Variants in AP4E1 observed in about 807,000 individuals in gnomAD.
The protein encoded by AP4E1 is AP-4 complex subunit epsilon-1.
In AP4E1, 56 loss-of-function variants were observed where a neutral mutation model predicts 128.2. That is an observed-to-expected ratio of 0.44 (90% CI 0.35 to 0.55). The LOEUF (loss-of-function observed/expected upper bound fraction) is 0.55. Ranked by LOEUF, AP4E1 falls within the 20% of genes least tolerant of loss-of-function variation. AP4E1 has a pLI of 0.00. For synonymous variants in AP4E1, 484 were observed against 473.1 expected (o/e 1.02, Z -0.30); for missense variants, 1,324 against 1,307.7 (o/e 1.01, Z -0.19).
At chr15:51,002,040 A>G (rs572993795) in intron 20 of AP4E1, among the ~76,000 whole-genome samples, 1 of 152,114 alleles carries the variant, frequency 6.6e-6, no homozygotes, top group African/African-American at 2.4e-5. Flanking sequence ...CACCATGCTC[A>G]GCTAATTTTT....
At chr15:50,916,705 T>C (rs1327019069) in intron 3 of AP4E1, among the ~76,000 whole-genome samples, 1 of 152,176 alleles carries the variant, frequency 6.6e-6, no homozygotes, top group Non-Finnish European at 1.5e-5. Context: ...CACACTTAGA[T>C]CTTTTAAACT....
chr15:50,915,461 A>C lies in AP4E1; in HGVS notation c.236A>C (p.Glu79Ala). 1.9e-6 allele frequency: 3 copies of C among 1,613,190 alleles called. No homozygotes were observed. Among genetic ancestry groups the C allele is most frequent in the Non-Finnish European group, 2.5e-6 (3 of 1,179,376 alleles). Residue 79 changes from glutamate (E) to alanine (A), a missense_variant, in exon 3 of 21, where the codon GAA becomes GCA. Coordinates refer to ENST00000261842, the MANE Select transcript of AP4E1 (RefSeq NM_007347.5). ...TTTGCTTTTCAGAAAATGATGAAGG[A>C]ATGTATGGTGAGACTTATATATTGT... is the stretch of plus-strand genomic sequence containing the variant. ...APTTTLKMMK[E>A]CMVRLIYCEM...
At position 50,925,254 on chromosome 15, in the gene AP4E1, A is replaced by G. The variant is rs760490261; in HGVS notation, c.542+35A>G. On this transcript the variant is annotated intron_variant, in intron 5 of 20. Coordinates refer to ENST00000261842, the MANE Select transcript of AP4E1 (RefSeq NM_007347.5). ...TTCTTTTGGGATAGGCATCTATGCC[A>G]TATATTTCAAAACAGAAGTTTATGC... 5 of 1,597,956 alleles carry G rather than the reference A, an allele frequency of 3.1e-6. No homozygotes were observed. The East Asian group carries it at 1.1e-4, about 36-fold the overall frequency.
At chr15:50,908,450 G>C (rs2063521055), upstream of AP4E1, 6 of 247,356 alleles carry the variant, frequency 2.4e-5, no homozygotes. Flanking sequence ...CTGGGAGACA[G>C]TGCCTAACAG....
chr15:50,915,934 TTTG>T lies in AP4E1; in HGVS notation c.346+373_346+375del, dbSNP rs1210011406. On this transcript the variant is annotated intron_variant, in intron 3 of 20. Coordinates refer to ENST00000261842, the MANE Select transcript of AP4E1 (RefSeq NM_007347.5). ...TATATGTCTATAAAGAGCTCTTTTT[TTTG>T]TTGTTGTTGAGACAGAGTCTCTCTG... 19 of 216,186 alleles carry T rather than the reference TTTG, an allele frequency of 8.8e-5. No individual in the cohort carries two copies. The East Asian group carries it at 2.2e-3, about 25-fold the overall frequency. 13.4% of individuals were successfully genotyped at this position (216,186 alleles called of 1,614,324 possible).
chr15:50,978,122 C>G (rs1457130613), intron 15 of AP4E1, among the ~76,000 whole-genome samples: 1 of 152,008 alleles, frequency 6.6e-6, no homozygotes, highest in African/African-American at 2.4e-5. Flanking sequence ...GAATAAACTT[C>G]AGGAAAATAT....
At chr15:50,988,196 G>C (rs762980195) in intron 16 of AP4E1, among the ~76,000 whole-genome samples, 1 of 152,140 alleles carries the variant, frequency 6.6e-6, no homozygotes, top group African/African-American at 2.4e-5. Context: ...GTTACATTCT[G>C]ATAAACCCAT....
intron 3 of AP4E1, among the ~76,000 whole-genome samples, chr15:50,918,286 G>A (rs943170336): frequency 6.6e-6 from 1 of 152,046 alleles, no homozygotes; most frequent in Non-Finnish European, 1.5e-5. Context: ...AAACTACCTG[G>A]GAACCTGTTT....
intron 8 of AP4E1, among the ~76,000 whole-genome samples, chr15:50,939,905 A>G (rs2063959755): frequency 6.6e-6 from 1 of 152,298 alleles, no homozygotes; most frequent in African/African-American, 2.4e-5. Context: ...GATAGTAAAT[A>G]TTTTAGGCTT....
chr15:50,981,924 A>G (rs1353862307), intron 15 of AP4E1, among the ~76,000 whole-genome samples: 1 of 152,058 alleles, frequency 6.6e-6, no homozygotes, highest in Non-Finnish European at 1.5e-5. Flanking sequence ...CGTCTCTACT[A>G]AAAATACGAA....
At chr15:50,927,087 T>C (rs12913094) in intron 5 of AP4E1, among the ~76,000 whole-genome samples, 21,725 of 152,230 alleles carry the variant, frequency 0.14, 1,640 homozygotes, top group South Asian at 0.2. Context: ...TAAGGTGATC[T>C]GATTATAAAA....
At chr15:50,954,725 AG>A (rs2064192923) in intron 13 of AP4E1, among the ~76,000 whole-genome samples, 1 of 152,176 alleles carries the variant, frequency 6.6e-6, no homozygotes, top group Non-Finnish European at 1.5e-5. Context: ...TTTAAGTTCT[AG>A]GGTACATGTG....
chr15:50,944,607 T>C (rs1367410531), intron 10 of AP4E1: 2 of 261,274 alleles, frequency 7.7e-6, no homozygotes, highest in African/African-American at 2.3e-5. Context: ...AATCAGGCAG[T>C]GGACAGAACT....
chr15:50,909,869 T>A (rs7179527), intron 1 of AP4E1, among the ~76,000 whole-genome samples: 2,154 of 152,320 alleles, frequency 0.014, 60 homozygotes, highest in African/African-American at 0.05. Context: ...GTACTTTTCG[T>A]AGAGACGGGG....
At chr15:50,938,447 C>T (rs2063938361) in intron 8 of AP4E1, among the ~76,000 whole-genome samples, 1 of 152,100 alleles carries the variant, frequency 6.6e-6, no homozygotes, top group South Asian at 2.1e-4. Flanking sequence ...GGTATAATGA[C>T]ATGCCCCAAC....
chr15:50,993,765 A>G (rs1430740658), intron 17 of AP4E1, 140 bp downstream of exon 17: 1 of 1,033,144 alleles, frequency 9.7e-7, no homozygotes, highest in Non-Finnish European at 1.4e-6. Flanking sequence ...ATCATTTCCC[A>G]GCTCCAGAAC....
intron 14 of AP4E1, among the ~76,000 whole-genome samples, chr15:50,961,188 C>T (rs1447694802): frequency 6.6e-6 from 1 of 151,992 alleles, no homozygotes; most frequent in Non-Finnish European, 1.5e-5. Flanking sequence ...TAAAGAAGAA[C>T]TAGCACCAAC....
Position 50,949,951 on chromosome 15 carries a change from T to C in AP4E1, c.1429+13T>C. 1 of 1,601,888 alleles carries C rather than the reference T, an allele frequency of 6.2e-7. No homozygotes were observed. The highest frequency in any genetic ancestry group is 1.1e-5 in the South Asian group (1 of 90,834). The stretch of plus-strand genomic sequence containing the variant: ...CTACTAGCGGAAGGTTGGTACACTA[T>C]TATATTCTGTAAAGTAAACATTTTA... On this transcript the variant is annotated intron_variant, in intron 12 of 20. Transcript: ENST00000261842.
intron 3 of AP4E1, among the ~76,000 whole-genome samples, chr15:50,923,419 G>A (rs1338363480): frequency 6.6e-6 from 1 of 152,092 alleles, no homozygotes; most frequent in African/African-American, 2.4e-5. Flanking sequence ...GAGAAAATAA[G>A]GTATTGTGTG....
Sources: gnomAD v4.1 joint callset for allele counts (sites outside exome capture counted in the v4.1 genomes callset) on GRCh38, gnomAD v4.1.1 for gene constraint, MANE v1.5 for transcripts, NCBI Gene and HGNC (gene_info 2026-07-23, HGNC 2026-07-21) for gene names.